SNX25: variants seen among roughly 807,000 people sequenced by gnomAD.
The protein encoded by SNX25 is sorting nexin-25.
In SNX25, 62 loss-of-function variants were observed where a neutral mutation model predicts 113.7. The observed-to-expected ratio is 0.55, with a 90% CI of 0.44 to 0.67. The LOEUF is 0.67. Among genes scored for constraint, SNX25 ranks in the 30% least tolerant of loss-of-function variants. The probability of loss-of-function intolerance (pLI) is 0.00; values close to 1 mark genes in which losing one functional copy is unlikely to be tolerated. For missense variants in SNX25, 1,014 were observed against 1,161.0 expected (o/e 0.87, Z 1.84); for synonymous variants, 421 against 436.2 (o/e 0.97, Z 0.43).
Position 185,232,592 on chromosome 4 carries a change from G to C in SNX25, c.430-14702G>C, listed in dbSNP as rs143100870. Among the ~76,000 whole-genome samples the C allele has an allele frequency of 2.7e-3, 416 of 152,112 alleles. 3 individuals carry two copies. The highest frequency in any genetic ancestry group is 9.5e-3 in the African/African-American group (394 of 41,474). ...AAATTAACTAAGATAATGGCATTATGGTATTCCAGGACAGTAATGGAGTAC... is the reference window on the plus strand; with the variant it reads ...AAATTAACTAAGATAATGGCATTATCGTATTCCAGGACAGTAATGGAGTAC... On this transcript the variant is annotated intron_variant, in intron 1 of 18. Coordinates refer to ENST00000652585, the MANE Select transcript of SNX25 (RefSeq NM_001378034.2). This position sits in a 1 kb window ranked among gnomAD's most constrained non-coding sequence, Gnocchi z 4.4.
chr4:185,346,155 G>T (rs990116720), intron 12 of SNX25, among the ~76,000 whole-genome samples: 1 of 152,162 alleles, frequency 6.6e-6, no homozygotes, highest in African/African-American at 2.4e-5. Flanking sequence ...CACCACGCCC[G>T]GCCATTTTCT....
At chr4:185,300,443 C>G (rs1271039725) in intron 6 of SNX25, among the ~76,000 whole-genome samples, 1 of 151,216 alleles carries the variant, frequency 6.6e-6, no homozygotes, top group African/African-American at 2.4e-5. Context: ...GCTGGGATTA[C>G]AGGTGTGAGC....
chr4:185,342,569 AC>A (rs1422403848), intron 12 of SNX25, among the ~76,000 whole-genome samples: 1 of 142,238 alleles, frequency 7.0e-6, no homozygotes, highest in Non-Finnish European at 1.5e-5. Context: ...GGATTCTGTC[AC>A]ATACACAAGA....
At chr4:185,221,792 T>TA (rs1553983534) in intron 1 of SNX25, among the ~76,000 whole-genome samples, 1 of 151,146 alleles carries the variant, frequency 6.6e-6, no homozygotes, top group Admixed American at 6.6e-5. Context: ...TATATATTGT[T>TA]CTCCTGCCTT....
At position 185,210,206 on chromosome 4, in the gene SNX25, C is replaced by G. The variant is rs987802610; in HGVS notation, c.380C>G (p.Ala127Gly). The change falls in exon 1 of 19, where the codon GCC becomes GGC. Residue 127 changes from alanine (A) to glycine (G), a missense_variant. By Grantham distance (60) the Ala-to-Gly change is moderately conservative (BLOSUM62 0). Coordinates refer to ENST00000652585, the MANE Select transcript of SNX25 (RefSeq NM_001378034.2). This position sits in a 1 kb window ranked among gnomAD's most constrained non-coding sequence, Gnocchi z 4.4. Reference sequence around the variant, plus strand: ...CGCGCCCAGCCGCCCGACTTCGCCGCCGCCTGGAGCCGGCTGGCCGCGACC... The same window carrying G: ...CGCGCCCAGCCGCCCGACTTCGCCGGCGCCTGGAGCCGGCTGGCCGCGACC... ...SPRAQPPDFA[A>G]AWSRLAATSA... 1.8e-4 allele frequency: 181 copies of G among 984,644 alleles called. No homozygotes were observed. Among genetic ancestry groups the G allele is most frequent in the Non-Finnish European group, 2.1e-4 (175 of 829,980 alleles). 61.0% of individuals were successfully genotyped at this position (984,644 alleles called of 1,614,324 possible).
intron 3 of SNX25, among the ~76,000 whole-genome samples, chr4:185,261,904 G>A (rs1038612457): frequency 1.3e-5 from 2 of 152,208 alleles, no homozygotes; most frequent in African/African-American, 2.4e-5. Flanking sequence ...TTTTCATATA[G>A]ATGATTGTGT....
chr4:185,278,393 C>G (rs1307273496), intron 5 of SNX25, among the ~76,000 whole-genome samples: 1 of 152,198 alleles, frequency 6.6e-6, no homozygotes, highest in Non-Finnish European at 1.5e-5. Context: ...AGCTGCATGA[C>G]CTTGGGAAAG....
chr4:185,359,084 G>A (rs988733151), intron 16 of SNX25, among the ~76,000 whole-genome samples: 1 of 152,164 alleles, frequency 6.6e-6, no homozygotes, highest in Non-Finnish European at 1.5e-5. Flanking sequence ...TGGGCACAGT[G>A]GCTCATGCCT....
intron 13 of SNX25, among the ~76,000 whole-genome samples, chr4:185,349,577 T>C (rs2095305465): frequency 6.6e-6 from 1 of 152,210 alleles, no homozygotes; most frequent in African/African-American, 2.4e-5. Flanking sequence ...CCAACACTTC[T>C]TTTCTTTTGT....
At chr4:185,242,759 C>T (rs999191958) in intron 1 of SNX25, among the ~76,000 whole-genome samples, 1 of 152,060 alleles carries the variant, frequency 6.6e-6, no homozygotes, top group Non-Finnish European at 1.5e-5. Flanking sequence ...GGCAGGGGCC[C>T]CTGAGAGTAG....
At chr4:185,238,062 CAAAAAAAA>C (rs10635995) in intron 1 of SNX25, among the ~76,000 whole-genome samples, 6 of 87,944 alleles carry the variant, frequency 6.8e-5, no homozygotes, top group Non-Finnish European at 1.3e-4. Context: ...GACTCCATCT[CAAAAAAAA>C]AAAAAAAAAA....
At chr4:185,329,232 T>A (rs961057136) in intron 9 of SNX25, among the ~76,000 whole-genome samples, 1 of 152,130 alleles carries the variant, frequency 6.6e-6, no homozygotes, top group African/African-American at 2.4e-5. Flanking sequence ...TAATTTATAT[T>A]GGGGCCAGGC....
chr4:185,254,685 G>A (rs1024295098), intron 2 of SNX25, among the ~76,000 whole-genome samples: 1 of 152,048 alleles, frequency 6.6e-6, no homozygotes, highest in African/African-American at 2.4e-5. Flanking sequence ...CTGTTTTCAG[G>A]TTAACCTAAC....
At chr4:185,344,563 C>T (rs2126729722) in intron 12 of SNX25, among the ~76,000 whole-genome samples, 1 of 152,316 alleles carries the variant, frequency 6.6e-6, no homozygotes, top group African/African-American at 2.4e-5. Context: ...AGGTTCACAG[C>T]AGATGCCCAG....
intron 5 of SNX25, among the ~76,000 whole-genome samples, chr4:185,287,534 CGGTGTGGTCCACAAGCCCACA>C (rs1479696527): frequency 6.6e-6 from 1 of 152,162 alleles, no homozygotes; most frequent in Non-Finnish European, 1.5e-5. Flanking sequence ...TGGCACCGCC[CGGTGTGGTCCACAAGCCCACA>C]GGTACCGTGG....
At chr4:185,242,203 A>G (rs1455815922) in intron 1 of SNX25, among the ~76,000 whole-genome samples, 3 of 152,202 alleles carry the variant, frequency 2.0e-5, no homozygotes, top group African/African-American at 7.2e-5. Context: ...TCATACCACA[A>G]CAAACATAAA....
intron 1 of SNX25, among the ~76,000 whole-genome samples, chr4:185,240,303 T>C (rs915656386): frequency 4.3e-4 from 66 of 151,828 alleles, no homozygotes; most frequent in East Asian, 1.6e-3. Context: ...GATGGGGTGG[T>C]GGCCGGGCAG....
chr4:185,340,461 A>G (rs1296524097), intron 11 of SNX25, among the ~76,000 whole-genome samples: 1 of 152,168 alleles, frequency 6.6e-6, no homozygotes, highest in African/African-American at 2.4e-5. Context: ...CTGCTGAACA[A>G]TACACATTTC....
intron 2 of SNX25, among the ~76,000 whole-genome samples, chr4:185,253,455 TTTTTC>T (rs1054614781): frequency 7.3e-5 from 11 of 151,686 alleles, no homozygotes; most frequent in Non-Finnish European, 1.3e-4. Context: ...TTCAGACTTT[TTTTTC>T]TTTTCTTTTC....
Sources: allele counts gnomAD v4.1 joint callset (sites outside exome capture counted in the v4.1 genomes callset), GRCh38; gene constraint gnomAD v4.1.1; non-coding constraint Gnocchi (gnomAD v3.1); transcripts MANE v1.5; gene names NCBI Gene and HGNC (gene_info 2026-07-23, HGNC 2026-07-21).